The following CTNND2 variants were observed in gnomAD, a reference collection of about 807,000 sequenced individuals.
The protein encoded by CTNND2 is catenin delta 2.
In CTNND2, 22 loss-of-function variants were observed where a neutral mutation model predicts 144.4. The ratio of observed to expected loss-of-function variants is 0.15; its 90% CI spans 0.11 to 0.22. The LOEUF is 0.22. CTNND2 is among the 10% of genes least tolerant of loss of function. The pLI is 1.00. For synonymous variants in CTNND2, 751 were observed against 695.6 expected (o/e 1.08, Z -1.25); for missense variants, 1,353 against 1,618.8 (o/e 0.84, Z 2.82).
chr5:11,672,453 GCTCA>G (rs1783923389), intron 2 of CTNND2, among the ~76,000 whole-genome samples: 2 of 152,192 alleles, frequency 1.3e-5, no homozygotes, highest in Non-Finnish European at 1.5e-5. Context: ...GACTGGGGCT[GCTCA>G]CTTTTTTTCA....
intron 8 of CTNND2, among the ~76,000 whole-genome samples, chr5:11,360,714 T>G (rs1048653565): frequency 3.3e-5 from 5 of 152,286 alleles, no homozygotes; most frequent in Admixed American, 3.3e-4. Flanking sequence ...TTTTTTGGAA[T>G]ATGCATGTAG....
chr5:11,627,353 C>T (rs1245499853), intron 2 of CTNND2, among the ~76,000 whole-genome samples: 3 of 152,168 alleles, frequency 2.0e-5, no homozygotes, highest in Non-Finnish European at 4.4e-5. Context: ...AGTGGCTCCA[C>T]AGAACAGATG....
At chr5:11,836,804 A>G (rs922991877) in intron 1 of CTNND2, among the ~76,000 whole-genome samples, 1 of 152,190 alleles carries the variant, frequency 6.6e-6, no homozygotes, top group Non-Finnish European at 1.5e-5. Context: ...TGAGACAGAA[A>G]TTACAATCAC....
chr5:11,832,100 G>C (rs1416209771), intron 1 of CTNND2, among the ~76,000 whole-genome samples: 2 of 151,954 alleles, frequency 1.3e-5, no homozygotes, highest in African/African-American at 4.8e-5. Flanking sequence ...TGGCTAACAT[G>C]GTGAAACCCC....
intron 1 of CTNND2, among the ~76,000 whole-genome samples, chr5:11,858,853 T>C (rs1050490245): frequency 2.6e-5 from 4 of 152,216 alleles, no homozygotes; most frequent in South Asian, 2.1e-4. Flanking sequence ...GGCGTGAACC[T>C]GGGAGGCGGA....
intron 9 of CTNND2, among the ~76,000 whole-genome samples, chr5:11,282,879 A>G (rs371669771): frequency 1.3e-5 from 2 of 152,332 alleles, no homozygotes; most frequent in East Asian, 1.9e-4. Flanking sequence ...TCGCATACTG[A>G]TATATCTTTG....
At chr5:11,829,525 C>T (rs2126958491) in intron 1 of CTNND2, among the ~76,000 whole-genome samples, 1 of 152,306 alleles carries the variant, frequency 6.6e-6, no homozygotes, top group East Asian at 1.9e-4. Context: ...TGTACAAAGC[C>T]CCAAGCGTTG....
At chr5:11,277,883 C>G (rs1322893790) in intron 9 of CTNND2, among the ~76,000 whole-genome samples, 3 of 152,126 alleles carry the variant, frequency 2.0e-5, no homozygotes, top group Non-Finnish European at 4.4e-5. Context: ...CCCAAGTGCA[C>G]TTCCCTTTCC....
chr5:11,411,542 C>G lies in CTNND2; in HGVS notation c.433G>C (p.Gly145Arg), dbSNP rs772440468. ...TAACTGCCACGTGACTTACTTTCAC[C>G]TGTAGAATAATCCTGTGGGTCAAGT... ...GILDPQDYST[G>R]ERPSLLSQSA... The change falls in exon 5 of 22, where the codon GGT (glycine) becomes CGT (arginine). Residue 145 changes from glycine (G) to arginine (R), a missense_variant. Physicochemically the swap from Gly to Arg is moderately radical, Grantham distance 125 (BLOSUM62 -2). Transcript: ENST00000304623. The G allele has an allele frequency of 6.4e-7, 1 of 1,569,838 alleles. No individual in the cohort carries two copies. The highest frequency in any genetic ancestry group is 2.2e-5 in the East Asian group (1 of 44,612).
chr5:11,006,647 G>A (rs529933335), intron 18 of CTNND2, among the ~76,000 whole-genome samples: 127 of 152,334 alleles, frequency 8.3e-4, no homozygotes, highest in African/African-American at 1.1e-3. Context: ...AGCCCTTTCC[G>A]TGGAGGCATG....
intron 9 of CTNND2, among the ~76,000 whole-genome samples, chr5:11,303,249 C>G (rs1040467327): frequency 6.6e-6 from 1 of 152,188 alleles, no homozygotes; most frequent in African/African-American, 2.4e-5. Flanking sequence ...GAGAAAAAGA[C>G]AATGCTCTTG....
At chr5:11,630,781 G>A (rs113625195) in intron 2 of CTNND2, among the ~76,000 whole-genome samples, 4,428 of 151,858 alleles carry the variant, frequency 0.029, 105 homozygotes, top group East Asian at 0.11. Flanking sequence ...GTGAAATGCC[G>A]TCTCTACTAA....
At chr5:11,277,322 C>G (rs1393910966) in intron 9 of CTNND2, among the ~76,000 whole-genome samples, 1 of 151,802 alleles carries the variant, frequency 6.6e-6, no homozygotes, top group African/African-American at 2.4e-5. Context: ...TTTTATAATT[C>G]ACATCATCAA....
At chr5:11,695,229 T>G (rs1028214019) in intron 2 of CTNND2, among the ~76,000 whole-genome samples, 1 of 152,188 alleles carries the variant, frequency 6.6e-6, no homozygotes, top group Non-Finnish European at 1.5e-5. Context: ...TTATTAAAAA[T>G]GCTGATTTTT....
chr5:11,452,767 A>G (rs892196566), intron 3 of CTNND2, among the ~76,000 whole-genome samples: 3 of 152,248 alleles, frequency 2.0e-5, no homozygotes, highest in African/African-American at 7.2e-5. Context: ...CATAGAATCT[A>G]AACTTTTGAT....
At chr5:11,625,925 TAC>T (rs1781128968) in intron 2 of CTNND2, among the ~76,000 whole-genome samples, 1 of 152,062 alleles carries the variant, frequency 6.6e-6, no homozygotes, top group Non-Finnish European at 1.5e-5. Context: ...CGGTGTTTGC[TAC>T]AGTTTACAGA....
At chr5:11,282,117 G>A (rs897435777) in intron 9 of CTNND2, among the ~76,000 whole-genome samples, 1 of 151,878 alleles carries the variant, frequency 6.6e-6, no homozygotes, top group African/African-American at 2.4e-5. Flanking sequence ...TACCATGGCT[G>A]GCAAGTCAGT....
chr5:10,994,320 G>A (rs1179185274), intron 18 of CTNND2, among the ~76,000 whole-genome samples: 1 of 36,914 alleles, frequency 2.7e-5, no homozygotes, highest in African/African-American at 1.3e-4. Flanking sequence ...GGAAGGGGGC[G>A]GGGATGGAGG....
In CTNND2 at chr5:11,384,487, C is replaced by T. The variant is rs546189058; in HGVS notation, c.1177+178G>A. 2.2e-5 allele frequency: 13 copies of T among 604,454 alleles called. No individual in the cohort carries two copies. Among genetic ancestry groups the T allele is most frequent in the Non-Finnish European group, 3.5e-5 (12 of 345,730 alleles). The allele number at this position is 604,454 out of a possible 1,614,324, so 37.4% of individuals were successfully genotyped here. On this transcript the variant is annotated intron_variant, in intron 7 of 21. Transcript: ENST00000304623. This position sits in a 1 kb window ranked among gnomAD's most constrained non-coding sequence, Gnocchi z 5.2. The stretch of plus-strand genomic sequence containing the variant: ...ATTACTCCGGAAAAGAAGTCACTGA[C>T]AAACTGTAGGGAAGATACTGACTTG...
Sources: allele counts gnomAD v4.1 joint callset (sites outside exome capture counted in the v4.1 genomes callset), GRCh38; gene constraint gnomAD v4.1.1; non-coding constraint Gnocchi (gnomAD v3.1); transcripts MANE v1.5; gene names NCBI Gene and HGNC (gene_info 2026-07-23, HGNC 2026-07-21).